Variants in WWP1 observed in about 807,000 individuals in gnomAD.
The protein encoded by WWP1 is NEDD4-like E3 ubiquitin-protein ligase WWP1.
WWP1 carries 49 observed loss-of-function variants against 130.6 expected under a neutral mutation model. The observed-to-expected ratio is 0.38, with a 90% confidence interval of 0.30 to 0.48. WWP1 has a LOEUF of 0.48. Ranked by LOEUF, WWP1 falls within the 20% of genes least tolerant of loss-of-function variation. The pLI is 0.99. For missense variants in WWP1, 809 were observed against 1,100.6 expected, an observed-to-expected ratio of 0.74 and a Z score of 3.75; for synonymous variants, 332 against 367.8, an observed-to-expected ratio of 0.90 and a Z score of 1.11.
intron 3 of WWP1, among the ~76,000 whole-genome samples, chr8:86,377,834 T>G (rs1324898737): frequency 1.3e-5 from 2 of 152,186 alleles, no homozygotes; most frequent in Admixed American, 6.5e-5. Context: ...TTATAATTTT[T>G]TTTTAGCTAT....
intron 2 of WWP1, among the ~76,000 whole-genome samples, chr8:86,369,688 G>A (rs1054849898): frequency 2.6e-5 from 4 of 151,848 alleles, no homozygotes; most frequent in Admixed American, 2.6e-4. Flanking sequence ...TTTGATTTTT[G>A]TTTAATCTAC....
At chr8:86,358,482 T>G (rs1397399718) in intron 1 of WWP1, among the ~76,000 whole-genome samples, 3 of 139,208 alleles carry the variant, frequency 2.2e-5, no homozygotes, top group African/African-American at 3.1e-5. Context: ...ATTGAGGAGT[T>G]TTTTTTTTTT....
At position 86,435,232 on chromosome 8, in the gene WWP1, A is replaced by G. The variant is rs574072598; in HGVS notation, c.1602-220A>G. On this transcript the variant is annotated intron_variant, in intron 14 of 24. Coordinates refer to ENST00000517970, the MANE Select transcript of WWP1 (RefSeq NM_007013.4). ...TAACTCACTAACAAAAGATCCAGCC[A>G]TAAATACAATGTCCTTCTTTGTGTA... Among the ~76,000 whole-genome samples, 22 of 152,328 alleles carry G rather than the reference A, an allele frequency of 1.4e-4. No homozygotes were observed. In the South Asian group the frequency reaches 1.4e-3, roughly 10 times the overall value.
At chr8:86,427,469 G>C (rs1307213329) in intron 10 of WWP1, among the ~76,000 whole-genome samples, 174 bp from the exon 11 acceptor site, 1 of 152,138 alleles carries the variant, frequency 6.6e-6, no homozygotes, top group Non-Finnish European at 1.5e-5. Context: ...GGAAAAAAAA[G>C]ATATTAGTGG....
At chr8:86,374,441 T>C (rs1824512625) in intron 3 of WWP1, among the ~76,000 whole-genome samples, 1 of 152,200 alleles carries the variant, frequency 6.6e-6, no homozygotes, top group Admixed American at 6.5e-5. Context: ...TACATACATT[T>C]AGCCATTTGT....
At chr8:86,427,598 T>C (rs1315128006) in intron 10 of WWP1, 45 bp from the exon 11 acceptor site, 1 of 1,488,688 alleles carries the variant, frequency 6.7e-7, no homozygotes, top group Admixed American at 2.1e-5. Flanking sequence ...CTTTTCATTT[T>C]CTTATATTGA....
At chr8:86,398,817 G>T (rs556431793) in intron 7 of WWP1, among the ~76,000 whole-genome samples, 179 bp downstream of exon 7, 1 of 152,232 alleles carries the variant, frequency 6.6e-6, no homozygotes, top group East Asian at 1.9e-4. Flanking sequence ...GCTTTATTGA[G>T]ATATCATACA....
intron 18 of WWP1, among the ~76,000 whole-genome samples, chr8:86,443,368 C>A (rs569219223): frequency 5.3e-5 from 8 of 152,168 alleles, no homozygotes; most frequent in Non-Finnish European, 1.0e-4. Flanking sequence ...GCCACCACTC[C>A]CAGCCTACTT....
At position 86,434,660 on chromosome 8, in the gene WWP1, A is replaced by C. The variant is rs1810188506; in HGVS notation, c.1602-792A>C. ...CTTATTTATTATATTTTTTTGTCTTATCTCCTTCACTAGTATATAAGCTCC... is the reference window on the plus strand; with the variant it reads ...CTTATTTATTATATTTTTTTGTCTTCTCTCCTTCACTAGTATATAAGCTCC... On this transcript the variant is annotated intron_variant, in intron 14 of 24. Transcript: ENST00000517970. Among the ~76,000 whole-genome samples the C allele has an allele frequency of 4.0e-5, 6 of 151,690 alleles. No individual in the cohort carries two copies. The South Asian group carries it at 1.2e-3, about 32-fold the overall frequency.
chr8:86,371,671 A>T (rs2130296128), intron 2 of WWP1, among the ~76,000 whole-genome samples: 1 of 152,248 alleles, frequency 6.6e-6, no homozygotes, highest in South Asian at 2.1e-4. Flanking sequence ...TATTTGCCTA[A>T]TGTGTTATCT....
intron 13 of WWP1, 27 bp downstream of exon 13, chr8:86,431,517 G>A (rs747889105): frequency 1.4e-5 from 22 of 1,611,186 alleles, no homozygotes; most frequent in East Asian, 2.2e-5. Flanking sequence ...GCCTTAAGTC[G>A]TCTTGCATAT....
chr8:86,368,691 A>G (rs890678911), intron 1 of WWP1, among the ~76,000 whole-genome samples: 1 of 152,120 alleles, frequency 6.6e-6, no homozygotes, highest in Non-Finnish European at 1.5e-5. Flanking sequence ...ATCACGTTAC[A>G]CTGTCCTTAT....
At chr8:86,425,035 AGT>A (rs1809537547) in intron 9 of WWP1, among the ~76,000 whole-genome samples, 186 bp from the exon 10 acceptor site, 1 of 152,108 alleles carries the variant, frequency 6.6e-6, no homozygotes, top group African/African-American at 2.4e-5. Flanking sequence ...AGGTTAAAAA[AGT>A]ACTAATAATT....
At chr8:86,427,994 TA>T (rs1809728041) in intron 11 of WWP1, among the ~76,000 whole-genome samples, 177 bp downstream of exon 11, 1 of 151,994 alleles carries the variant, frequency 6.6e-6, no homozygotes, top group Non-Finnish European at 1.5e-5. Flanking sequence ...GTTTCTGATA[TA>T]TATAAGTACT....
intron 5 of WWP1, among the ~76,000 whole-genome samples, chr8:86,389,979 G>A (rs915974902): frequency 6.6e-6 from 1 of 151,236 alleles, no homozygotes; most frequent in Non-Finnish European, 1.5e-5. Context: ...CTTCTCAGAC[G>A]GGGCAGCCCG....
At chr8:86,368,465 C>T (rs894000327) in intron 1 of WWP1, among the ~76,000 whole-genome samples, 14 of 120,200 alleles carry the variant, frequency 1.2e-4, no homozygotes, top group African/African-American at 3.4e-4. Context: ...TTATATGTAT[C>T]CTGAGTTTTT....
chr8:86,443,840 T>G (rs187210143), intron 18 of WWP1, among the ~76,000 whole-genome samples: 1 of 152,070 alleles, frequency 6.6e-6, no homozygotes, highest in Admixed American at 6.5e-5. Flanking sequence ...AATGTGGGAG[T>G]GCATTCTTGA....
rs1258498802 is a variant in WWP1, at chr8:86,467,593, G to A, written c.*700G>A. 2 of 152,012 alleles carry A rather than the reference G, an allele frequency of 1.3e-5. No individual in the cohort carries two copies. Among genetic ancestry groups the A allele is most frequent in the East Asian group, 1.9e-4 (1 of 5,192 alleles). 9.4% of individuals were successfully genotyped at this position (152,012 alleles called of 1,614,324 possible). On this transcript the variant is annotated 3_prime_UTR_variant, in exon 25 of 25. Transcript: ENST00000517970. ...TTTAGTTTATTATCGAAATTGGAAGGATTCATTGAGCAGCATAGAAGTTTG... is the reference window on the plus strand; with the variant it reads ...TTTAGTTTATTATCGAAATTGGAAGAATTCATTGAGCAGCATAGAAGTTTG...
chr8:86,358,401 CT>C (rs1397495092), intron 1 of WWP1, among the ~76,000 whole-genome samples: 1 of 151,790 alleles, frequency 6.6e-6, no homozygotes, highest in African/African-American at 2.4e-5. Flanking sequence ...TTATTGTTGT[CT>C]TAGCAGTTAA....
Sources: allele counts gnomAD v4.1 joint callset (sites outside exome capture counted in the v4.1 genomes callset), GRCh38; gene constraint gnomAD v4.1.1; transcripts MANE v1.5; gene names NCBI Gene and HGNC (gene_info 2026-07-23, HGNC 2026-07-21).